Variants in CBFB observed in about 807,000 individuals in gnomAD.
The protein encoded by CBFB is core-binding factor subunit beta, also known as CBF-beta.
CBFB carries 9 observed loss-of-function variants against 30.4 expected under a neutral mutation model. The observed-to-expected ratio is 0.30, with a 90% CI of 0.18 to 0.52. CBFB has a LOEUF of 0.52. Ranked by LOEUF, CBFB falls within the 20% of genes least tolerant of loss-of-function variation. CBFB has a pLI of 0.97. For synonymous variants in CBFB, 94 were observed against 84.0 expected, an observed-to-expected ratio of 1.12 and a Z score of -0.65; for missense variants, 170 against 244.0, an observed-to-expected ratio of 0.70 and a Z score of 2.02.
At chr16:67,032,608 C>T (rs559788511) in intron 2 of CBFB, among the ~76,000 whole-genome samples, 1 of 152,320 alleles carries the variant, frequency 6.6e-6, no homozygotes, top group African/African-American at 2.4e-5. Context: ...TTTGTATAAA[C>T]CCCTCTGGAT....
At chr16:67,052,592 G>A (rs921603432) in intron 3 of CBFB, among the ~76,000 whole-genome samples, 1 of 151,442 alleles carries the variant, frequency 6.6e-6, no homozygotes, top group African/African-American at 2.4e-5. Flanking sequence ...AAAAAAAAAT[G>A]CCTGCTAGAC....
At chr16:67,060,141 C>A (rs1482374133) in intron 3 of CBFB, among the ~76,000 whole-genome samples, 3 of 151,962 alleles carry the variant, frequency 2.0e-5, no homozygotes, top group African/African-American at 7.3e-5. Context: ...CCACACCTGG[C>A]TAATTTTTTA....
At chr16:67,043,191 C>T (rs1010352504) in intron 3 of CBFB, among the ~76,000 whole-genome samples, 7 of 152,230 alleles carry the variant, frequency 4.6e-5, no homozygotes, top group Admixed American at 2.0e-4. Flanking sequence ...GGTGTGAATA[C>T]CAGGAGGCTG....
At chr16:67,033,815 C>T (rs569173150) in intron 2 of CBFB, among the ~76,000 whole-genome samples, 19 of 130,762 alleles carry the variant, frequency 1.5e-4, no homozygotes, top group African/African-American at 5.4e-4. Flanking sequence ...AGAGTTTCAC[C>T]GTTGTTTTTT....
chr16:67,029,940 T>C (rs1418164769), intron 2 of CBFB, 127 bp downstream of exon 2: 8 of 542,096 alleles, frequency 1.5e-5, no homozygotes, highest in Non-Finnish European at 2.4e-5. Flanking sequence ...TCTCACTTCC[T>C]ACTCGGGATT....
intron 4 of CBFB, among the ~76,000 whole-genome samples, chr16:67,080,490 T>C (rs1961526327): frequency 6.6e-6 from 1 of 151,404 alleles, no homozygotes; most frequent in African/African-American, 2.4e-5. Flanking sequence ...GAAAAAAAAA[T>C]GGTGCCACCA....
chr16:67,084,505 G>T (rs1961663638), intron 5 of CBFB, among the ~76,000 whole-genome samples: 1 of 152,142 alleles, frequency 6.6e-6, no homozygotes, highest in Admixed American at 6.6e-5. Flanking sequence ...GGAAATGGGG[G>T]TTAGTTATTT....
chr16:67,095,723 C>T lies in CBFB; in HGVS notation c.496-2987C>T, dbSNP rs184276795. The stretch of plus-strand genomic sequence containing the variant: ...TTTTTTTTTTTGGAGACAGAGTTTC[C>T]CTCTTGTTGCCCAGGCTGGAGTGCA... On this transcript the variant is annotated intron_variant, in intron 5 of 5. Coordinates refer to ENST00000412916, the MANE Select transcript of CBFB (RefSeq NM_022845.3). Among the ~76,000 whole-genome samples the T allele has an allele frequency of 6.5e-3, 963 of 148,592 alleles. 11 individuals are homozygous for T. Among genetic ancestry groups the T allele is most frequent in the South Asian group, 0.027 (125 of 4,658 alleles).
intron 4 of CBFB, among the ~76,000 whole-genome samples, chr16:67,080,481 A>G (rs1961525689): frequency 1.4e-5 from 2 of 145,354 alleles, no homozygotes; most frequent in African/African-American, 5.6e-5. Context: ...TTTCTTGCAG[A>G]AAAAAAAATG....
chr16:67,047,092 A>C, intron 3 of CBFB, among the ~76,000 whole-genome samples: 1 of 151,976 alleles, frequency 6.6e-6, no homozygotes, highest in Non-Finnish European at 1.5e-5. Context: ...CAGGCAGATC[A>C]CAAGGTCAGG....
intron 3 of CBFB, among the ~76,000 whole-genome samples, chr16:67,065,696 T>G (rs879583867): frequency 6.6e-6 from 1 of 152,122 alleles, no homozygotes; most frequent in African/African-American, 2.4e-5. Context: ...CTTAGTTGAT[T>G]TTGTTATAGT....
chr16:67,044,665 A>C (rs968243990), intron 3 of CBFB, among the ~76,000 whole-genome samples: 1 of 152,208 alleles, frequency 6.6e-6, no homozygotes, highest in African/African-American at 2.4e-5. Context: ...ATAAAGGTCT[A>C]TGATTCTGCT....
At chr16:67,085,879 C>T (rs1403178616) in intron 5 of CBFB, among the ~76,000 whole-genome samples, 1 of 151,810 alleles carries the variant, frequency 6.6e-6, no homozygotes, top group Non-Finnish European at 1.5e-5. Flanking sequence ...GGGGTTTCAC[C>T]GTGTTAGCCA....
intron 4 of CBFB, among the ~76,000 whole-genome samples, chr16:67,076,716 GA>G (rs1961408767): frequency 6.6e-6 from 1 of 152,154 alleles, no homozygotes; most frequent in South Asian, 2.1e-4. Context: ...CTAAAAGCTT[GA>G]AAAATATGAA....
intron 3 of CBFB, among the ~76,000 whole-genome samples, chr16:67,058,377 G>A (rs1960792154): frequency 6.6e-6 from 1 of 152,180 alleles, no homozygotes; most frequent in Admixed American, 6.5e-5. Context: ...CTGACCTCAA[G>A]TGATCCACCC....
intron 4 of CBFB, 90 bp downstream of exon 4, chr16:67,066,888 GT>G: frequency 1.4e-6 from 1 of 699,404 alleles, no homozygotes; most frequent in East Asian, 2.6e-5. Flanking sequence ...ATTTTTAAGA[GT>G]AAGTATAGAA....
At chr16:67,032,980 T>C (rs1354709851) in intron 2 of CBFB, among the ~76,000 whole-genome samples, 2 of 152,168 alleles carry the variant, frequency 1.3e-5, no homozygotes, top group African/African-American at 4.8e-5. Context: ...GTTCAAGTGA[T>C]TGTCTTGACC....
intron 3 of CBFB, among the ~76,000 whole-genome samples, chr16:67,045,132 C>T (rs961628176): frequency 2.0e-5 from 3 of 151,982 alleles, no homozygotes; most frequent in Non-Finnish European, 2.9e-5. Flanking sequence ...TTGTAGCTGG[C>T]AGAGCGTTTG....
chr16:67,068,757 G>A lies in CBFB; in HGVS notation c.399+1959G>A, dbSNP rs1289144782. The stretch of plus-strand genomic sequence containing the variant: ...CTGTCTTTGAGGGGGCCCAAGTGTT[G>A]GTTCTTAGTGAGAAAGACTTCAAAG... On this transcript the variant is annotated intron_variant, in intron 4 of 5. Coordinates refer to ENST00000412916, the MANE Select transcript of CBFB (RefSeq NM_022845.3). 3.3e-5 allele frequency among the ~76,000 whole-genome samples: 5 copies of A among 152,150 alleles called. No homozygotes were observed. In the South Asian group the frequency reaches 6.2e-4, roughly 19 times the overall value.
Sources: allele counts gnomAD v4.1 joint callset (sites outside exome capture counted in the v4.1 genomes callset), GRCh38; gene constraint gnomAD v4.1.1; transcripts MANE v1.5; gene names NCBI Gene and HGNC (gene_info 2026-07-23, HGNC 2026-07-21).